OTUD7A: variants seen among roughly 807,000 people sequenced by gnomAD.
OTUD7A encodes the protein OTU deubiquitinase 7A.
A neutral mutation model predicts 65.7 loss-of-function variants in OTUD7A; 12 were observed. The observed-to-expected ratio is 0.18, with a 90% CI of 0.12 to 0.30. The LOEUF (loss-of-function observed/expected upper bound fraction) is 0.30. OTUD7A is among the 10% of genes least tolerant of loss of function. The pLI, the probability that OTUD7A is intolerant of heterozygous loss-of-function variation, is 1.00. For synonymous variants in OTUD7A, 641 were observed against 586.3 expected, an observed-to-expected ratio of 1.09 and a Z score of -1.35; for missense variants, 1,148 against 1,304.8, an observed-to-expected ratio of 0.88 and a Z score of 1.85.
chr15:31,729,072 G>A (rs1893971099), intron 1 of OTUD7A, among the ~76,000 whole-genome samples: 1 of 152,202 alleles, frequency 6.6e-6, no homozygotes, highest in South Asian at 2.1e-4. Flanking sequence ...ATTATAGTAT[G>A]TTGTGATAAT....
At chr15:31,711,966 G>A (rs1400603965) in intron 1 of OTUD7A, among the ~76,000 whole-genome samples, 10 of 151,096 alleles carry the variant, frequency 6.6e-5, no homozygotes, top group Admixed American at 1.3e-4. Context: ...TCACTTGAGC[G>A]TCTACATGGT....
chr15:31,754,114 T>G (rs1332557687), intron 1 of OTUD7A, among the ~76,000 whole-genome samples: 2 of 152,144 alleles, frequency 1.3e-5, no homozygotes, highest in Admixed American at 6.6e-5. Flanking sequence ...TTTCTGCTCA[T>G]TAGTGATGTT....
chr15:31,691,457 C>A (rs1364747742), intron 1 of OTUD7A, among the ~76,000 whole-genome samples: 8 of 152,224 alleles, frequency 5.3e-5, no homozygotes, highest in Non-Finnish European at 2.9e-5. Context: ...AACTCAGTTT[C>A]AACAAAGGTG....
intron 3 of OTUD7A, among the ~76,000 whole-genome samples, chr15:31,608,218 G>A (rs553206490): frequency 6.6e-6 from 1 of 152,294 alleles, no homozygotes; most frequent in Non-Finnish European, 1.5e-5. Context: ...CTGCACTCCA[G>A]CCTGGAGACT....
chr15:31,730,038 C>T (rs549576677), intron 1 of OTUD7A, among the ~76,000 whole-genome samples: 3 of 152,126 alleles, frequency 2.0e-5, no homozygotes, highest in South Asian at 2.1e-4. Flanking sequence ...GGAGGTGAGG[C>T]CTTTGGCAGG....
chr15:31,611,589 C>T (rs1200469079), intron 3 of OTUD7A, among the ~76,000 whole-genome samples: 1 of 152,040 alleles, frequency 6.6e-6, no homozygotes, highest in Non-Finnish European at 1.5e-5. Flanking sequence ...AAAAATACAA[C>T]CCTCAGCTTA....
At chr15:31,695,154 T>C (rs1893048252) in intron 1 of OTUD7A, among the ~76,000 whole-genome samples, 1 of 151,920 alleles carries the variant, frequency 6.6e-6, no homozygotes, top group African/African-American at 2.4e-5. Flanking sequence ...ATGTTTTACA[T>C]TTTCTTTATC....
At chr15:31,666,822 G>T (rs1429902003) in intron 1 of OTUD7A, among the ~76,000 whole-genome samples, 4 of 151,982 alleles carry the variant, frequency 2.6e-5, no homozygotes, top group Non-Finnish European at 5.9e-5. Context: ...GGTTTGATAG[G>T]TTGTGTCATT....
intron 8 of OTUD7A, among the ~76,000 whole-genome samples, chr15:31,515,621 C>A (rs2041835893): frequency 7.4e-6 from 1 of 135,918 alleles, no homozygotes; most frequent in Non-Finnish European, 1.6e-5. Context: ...CACCCACCCA[C>A]CCATCTCTCT....
At chr15:31,834,212 G>A (rs1275734501) in intron 1 of OTUD7A, among the ~76,000 whole-genome samples, 1 of 152,164 alleles carries the variant, frequency 6.6e-6, no homozygotes, top group Non-Finnish European at 1.5e-5. Flanking sequence ...ACAGATAAAA[G>A]AATACATTCA....
rs776780384 is a variant in OTUD7A, at chr15:31,623,583, C to T, written c.151+31513G>A. Among the ~76,000 whole-genome samples the T allele has an allele frequency of 3.3e-5, 5 of 152,232 alleles. No individual in the cohort carries two copies. In the East Asian group the frequency reaches 7.7e-4, roughly 23 times the overall value. On this transcript the variant is annotated intron_variant, in intron 3 of 12. Transcript: ENST00000307050. ...CCGAGCCAGGCGTGGGATATAATCTCCTGGTGTTCCATTTGCTAAGACCAT... is the reference window on the plus strand; with the variant it reads ...CCGAGCCAGGCGTGGGATATAATCTTCTGGTGTTCCATTTGCTAAGACCAT...
At chr15:31,808,458 T>C (rs1010334553) in intron 1 of OTUD7A, among the ~76,000 whole-genome samples, 7 of 152,166 alleles carry the variant, frequency 4.6e-5, no homozygotes, top group Admixed American at 1.3e-4. Context: ...AGAAGGTGCC[T>C]GACTCGGAGG....
intron 1 of OTUD7A, among the ~76,000 whole-genome samples, chr15:31,813,644 AT>A (rs1896477633): frequency 6.6e-6 from 1 of 152,246 alleles, no homozygotes; most frequent in Non-Finnish European, 1.5e-5. Context: ...GACATTGTGC[AT>A]CTTTAAGAAA....
At chr15:31,507,333 T>C (rs1361358732) in intron 8 of OTUD7A, among the ~76,000 whole-genome samples, 1 of 152,106 alleles carries the variant, frequency 6.6e-6, no homozygotes, top group Non-Finnish European at 1.5e-5. Context: ...ATGAAATAGA[T>C]GAAGGGTTTT....
chr15:31,762,424 C>A (rs1026868433), intron 1 of OTUD7A, among the ~76,000 whole-genome samples: 2 of 152,184 alleles, frequency 1.3e-5, no homozygotes, highest in African/African-American at 2.4e-5. Flanking sequence ...GCTATCTGAT[C>A]AAAGGACACT....
rs757450228 is a variant in OTUD7A, at chr15:31,487,416, G to C, written c.1286+36C>G. Reference sequence around the variant, plus strand: ...GGATGCCCCAGCCATAGCCCTCCCTGTGGGCGCTGGGGAAAGGGACAGAGT... The same window carrying C: ...GGATGCCCCAGCCATAGCCCTCCCTCTGGGCGCTGGGGAAAGGGACAGAGT... On this transcript the variant is annotated intron_variant, in intron 11 of 12. Coordinates refer to ENST00000307050, the MANE Select transcript of OTUD7A (RefSeq NM_001382637.1). The surrounding 1 kb of genome is among the most constrained non-coding windows in gnomAD (Gnocchi z 6.0). 1.0e-5 allele frequency: 16 copies of C among 1,604,998 alleles called. No individual in the cohort carries two copies. The highest frequency in any genetic ancestry group is 1.3e-5 in the Non-Finnish European group (15 of 1,173,656).
rs1184928565 is a variant in OTUD7A, at chr15:31,870,605, T to G, written c.-198A>C. 4.1e-5 allele frequency: 6 copies of G among 147,330 alleles called. No homozygotes were observed. The highest frequency in any genetic ancestry group is 2.7e-4 in the Admixed American group (4 of 14,876). The allele number at this position is 147,330 out of a possible 1,614,324, so 9.1% of individuals were successfully genotyped here. On this transcript the variant is annotated 5_prime_UTR_variant, in exon 1 of 13. Coordinates refer to ENST00000307050, the MANE Select transcript of OTUD7A (RefSeq NM_001382637.1). ...CGCTTTAAAGGAAAACCAGATCAGC[T>G]GTTTTGCTCCCGCTCGGGCTCCGCG... is the stretch of plus-strand genomic sequence containing the variant.
chr15:31,766,825 T>G, intron 1 of OTUD7A: 1 of 1,612,690 alleles, frequency 6.2e-7, no homozygotes, highest in Non-Finnish European at 8.5e-7. Flanking sequence ...AAACAGTTTA[T>G]TATTTTGTCC....
rs532875392 is a variant in OTUD7A, at chr15:31,517,077, T to C, written c.893+9272A>G. 1.4e-4 allele frequency among the ~76,000 whole-genome samples: 22 copies of C among 152,358 alleles called. 1 individual carries two copies. The highest frequency in any genetic ancestry group is 2.9e-4 in the Non-Finnish European group (20 of 68,032). On this transcript the variant is annotated intron_variant, in intron 8 of 12. Coordinates refer to ENST00000307050, the MANE Select transcript of OTUD7A (RefSeq NM_001382637.1). Reference sequence around the variant, plus strand: ...GCCAGACAGGAGCCACAAAGCCATCTGCCAGTACAAACAAGCTTCCCATGT... The same window carrying C: ...GCCAGACAGGAGCCACAAAGCCATCCGCCAGTACAAACAAGCTTCCCATGT...
Sources: allele counts gnomAD v4.1 joint callset (sites outside exome capture counted in the v4.1 genomes callset), GRCh38; gene constraint gnomAD v4.1.1; non-coding constraint Gnocchi (gnomAD v3.1); transcripts MANE v1.5; gene names NCBI Gene and HGNC (gene_info 2026-07-23, HGNC 2026-07-21).